FLACC1: variants seen among roughly 807,000 people sequenced by gnomAD.
The protein encoded by FLACC1 is flagellum associated containing coiled-coil domains 1, also known as flagellum-associated coiled-coil domain-containing protein 1.
FLACC1 carries 66 observed loss-of-function variants against 62.8 expected under a neutral mutation model. That is an observed-to-expected ratio of 1.05 (90% CI 0.86 to 1.29). The LOEUF is 1.29. Among genes scored for constraint, FLACC1 ranks in the 50% most tolerant of loss-of-function variants. The pLI, the probability that FLACC1 is intolerant of heterozygous loss-of-function variation, is 0.00. For missense variants in FLACC1, 452 were observed against 489.1 expected, an observed-to-expected ratio of 0.92 and a Z score of 0.71; for synonymous variants, 156 against 161.0, an observed-to-expected ratio of 0.97 and a Z score of 0.24.
At position 201,289,707 on chromosome 2, in the gene FLACC1, G is replaced by A; in HGVS notation, c.1021C>T (p.Leu341Phe). The stretch of plus-strand genomic sequence containing the variant: ...CAGTAGGGACTCACCTCTTTCTGGA[G>A]TTCCAACTGGGTATAGTAGAGGTTT... ...NTNLYYTQLE[L>F]QKEKAIVGNL... The change falls in exon 13 of 15, where the codon CTC becomes TTC. Residue 341 changes from leucine to phenylalanine, a missense_variant. Around this residue, in one of 3 missense-constraint regions of FLACC1, gnomAD observed 301 missense variants for 318.4 expected, o/e 0.95. Coordinates refer to ENST00000392257, the MANE Select transcript of FLACC1 (RefSeq NM_001127391.3). The A allele has an allele frequency of 6.2e-7, 1 of 1,613,894 alleles. No homozygotes were observed. The highest frequency in any genetic ancestry group is 8.5e-7 in the Non-Finnish European group (1 of 1,179,866).
At chr2:201,341,706 T>C (rs550780574) in intron 7 of FLACC1, among the ~76,000 whole-genome samples, 21 of 152,240 alleles carry the variant, frequency 1.4e-4, no homozygotes, top group Admixed American at 3.9e-4. Flanking sequence ...CTTAATATCA[T>C]ACATTATTAT....
intron 11 of FLACC1, among the ~76,000 whole-genome samples, chr2:201,306,756 A>C (rs1177432245): frequency 6.6e-6 from 1 of 152,124 alleles, no homozygotes; most frequent in Non-Finnish European, 1.5e-5. Flanking sequence ...CCACAGGCTG[A>C]CAGACAATAT....
chr2:201,341,708 C>T (rs1020438042), intron 7 of FLACC1, among the ~76,000 whole-genome samples: 7 of 151,998 alleles, frequency 4.6e-5, no homozygotes, highest in African/African-American at 1.7e-4. Flanking sequence ...TAATATCATA[C>T]ATTATTATTA....
chr2:201,359,210 C>A (rs1041823977), upstream of FLACC1, among the ~76,000 whole-genome samples: 5 of 152,084 alleles, frequency 3.3e-5, no homozygotes, highest in African/African-American at 1.2e-4. Flanking sequence ...TTGAGTTGAC[C>A]GTGGTGCCAT....
At chr2:201,350,239 C>T (rs1390969218) in intron 3 of FLACC1, among the ~76,000 whole-genome samples, 6 of 151,574 alleles carry the variant, frequency 4.0e-5, no homozygotes, top group African/African-American at 1.2e-4. Flanking sequence ...ACAAAAATTA[C>T]GTGGGCATGG....
intron 5 of FLACC1, among the ~76,000 whole-genome samples, chr2:201,345,231 C>A (rs1236463122): frequency 6.6e-6 from 1 of 152,204 alleles, no homozygotes; most frequent in Non-Finnish European, 1.5e-5. Flanking sequence ...AAAGCAGAGG[C>A]TGAATGCCCC....
At position 201,336,540 on chromosome 2, in the gene FLACC1, C is replaced by G. The variant is rs182871062; in HGVS notation, c.525-5707G>C. On this transcript the variant is annotated intron_variant, in intron 7 of 14. Coordinates refer to ENST00000392257, the MANE Select transcript of FLACC1 (RefSeq NM_001127391.3). ...TACAATACACCCAATAATGGGATTGCTGGGTCAAATGGTAGTTCTGTCTCA... is the reference window on the plus strand; with the variant it reads ...TACAATACACCCAATAATGGGATTGGTGGGTCAAATGGTAGTTCTGTCTCA... Among the ~76,000 whole-genome samples, 8 of 152,206 alleles carry G rather than the reference C, an allele frequency of 5.3e-5. No individual in the cohort carries two copies. The East Asian group carries it at 1.5e-3, about 29-fold the overall frequency.
chr2:201,289,900 T>C, intron 12 of FLACC1, 115 bp from the exon 13 acceptor site: 1 of 1,566,372 alleles, frequency 6.4e-7, no homozygotes, highest in East Asian at 2.2e-5. Flanking sequence ...TTTGCATCAC[T>C]CATGGCCACT....
At chr2:201,350,224 C>A (rs1278056031) in intron 3 of FLACC1, among the ~76,000 whole-genome samples, 3 of 151,100 alleles carry the variant, frequency 2.0e-5, no homozygotes, top group African/African-American at 7.3e-5. Flanking sequence ...GTCGTTACTA[C>A]AAATACAAAA....
At chr2:201,314,219 C>T (rs1306770632) in intron 9 of FLACC1, among the ~76,000 whole-genome samples, 1 of 151,908 alleles carries the variant, frequency 6.6e-6, no homozygotes, top group Non-Finnish European at 1.5e-5. Context: ...AGAAGAAACC[C>T]CTGATCTACC....
chr2:201,318,871 C>G (rs937777630), intron 9 of FLACC1, among the ~76,000 whole-genome samples: 1 of 152,056 alleles, frequency 6.6e-6, no homozygotes, highest in South Asian at 2.1e-4. Flanking sequence ...TATGTTCTCA[C>G]TCATAAGTGG....
At position 201,357,338 on chromosome 2, in the gene FLACC1, C is replaced by A. The variant is rs1951136505; in HGVS notation, c.-404G>T. On this transcript the variant is annotated 5_prime_UTR_variant, in exon 1 of 15. It adds an upstream start codon to the 5' untranslated region. Coordinates refer to ENST00000392257, the MANE Select transcript of FLACC1 (RefSeq NM_001127391.3). ...CCATTCAGATTCCTGTGACTTGGGC[C>A]TGAGTTGTGAGGTTTGCCCTTGGGA... The A allele has an allele frequency of 6.6e-6, 1 of 152,182 alleles. No homozygotes were observed. The highest frequency in any genetic ancestry group is 2.1e-4 in the South Asian group (1 of 4,836). 9.4% of individuals were successfully genotyped at this position (152,182 alleles called of 1,614,324 possible).
chr2:201,328,714 C>T (rs766135089), intron 9 of FLACC1, among the ~76,000 whole-genome samples: 1 of 152,218 alleles, frequency 6.6e-6, no homozygotes, highest in Non-Finnish European at 1.5e-5. Context: ...GCATCAGCCA[C>T]AGCACCGGCC....
At position 201,342,450 on chromosome 2, in the gene FLACC1, TCTACA is replaced by T; in HGVS notation, c.463-24_463-20del. On this transcript the variant is annotated intron_variant, in intron 6 of 14. Transcript: ENST00000392257. ...TGGAGAGCTGGAAACAAAATCAGCA[TCTACA>T]ACACAGGACTGAGGACCCTGTCCCA... The T allele has an allele frequency of 3.1e-6, 5 of 1,613,810 alleles. No homozygotes were observed. Among genetic ancestry groups the T allele is most frequent in the Non-Finnish European group, 4.2e-6 (5 of 1,179,710 alleles).
chr2:201,362,526 T>A, the FLACC1 span, among the ~76,000 whole-genome samples: 1 of 152,110 alleles, frequency 6.6e-6, no homozygotes. Flanking sequence ...AGTGATGGCA[T>A]GCAGCTGATA....
chr2:201,290,705 T>A (rs1382528659), intron 12 of FLACC1, among the ~76,000 whole-genome samples: 1 of 152,116 alleles, frequency 6.6e-6, no homozygotes, highest in Non-Finnish European at 1.5e-5. Flanking sequence ...TGCAGTGCAC[T>A]GAGCATGAGC....
intron 12 of FLACC1, among the ~76,000 whole-genome samples, chr2:201,290,716 C>T (rs140941327): frequency 0.019 from 2,846 of 152,166 alleles, 100 homozygotes; most frequent in African/African-American, 0.065. Context: ...GAGCATGAGC[C>T]GAAGCAGGGC....
chr2:201,355,464 T>C (rs1490654186), intron 1 of FLACC1, among the ~76,000 whole-genome samples: 2 of 152,074 alleles, frequency 1.3e-5, no homozygotes, highest in East Asian at 1.9e-4. Flanking sequence ...GAGTTTTACA[T>C]AGATTTTCAA....
chr2:201,317,407 G>A (rs531606710), intron 9 of FLACC1, among the ~76,000 whole-genome samples: 1 of 152,164 alleles, frequency 6.6e-6, no homozygotes, highest in African/African-American at 2.4e-5. Flanking sequence ...CACTGACAGC[G>A]ACTAAGGTGA....
Sources: gnomAD v4.1 joint callset for allele counts (sites outside exome capture counted in the v4.1 genomes callset) on GRCh38, gnomAD v4.1.1 for gene constraint, gnomAD v4.1.1 regional missense constraint, MANE v1.5 for transcripts, NCBI Gene and HGNC (gene_info 2026-07-23, HGNC 2026-07-21) for gene names.